The following SPAG11B variants were observed in gnomAD, a reference collection of about 807,000 sequenced individuals.
SPAG11B encodes the protein sperm associated antigen 11B.
Under a neutral mutation model 8.9 loss-of-function variants are expected in SPAG11B, and 5 were observed. The ratio of observed to expected loss-of-function variants is 0.56; its 90% confidence interval spans 0.29 to 1.19. SPAG11B has a LOEUF of 1.19. SPAG11B is among the 50% of genes most tolerant of loss of function. The pLI, the probability that SPAG11B is intolerant of heterozygous loss-of-function variation, is 0.08. For missense variants in SPAG11B, 38 were observed against 146.4 expected (o/e 0.26, Z 3.82); for synonymous variants, 12 against 53.0 (o/e 0.23, Z 3.36).
At chr8:7,453,031 G>A (rs1212516172) in intron 2 of SPAG11B, among the ~76,000 whole-genome samples, 1 of 146,090 alleles carries the variant, frequency 6.8e-6, no homozygotes, top group Admixed American at 6.8e-5. Context: ...GAAGAGCCAG[G>A]ATATTGTCTA....
downstream of SPAG11B, among the ~76,000 whole-genome samples, chr8:7,450,025 G>T (rs1429195777): frequency 8.0e-6 from 1 of 125,114 alleles, no homozygotes; most frequent in African/African-American, 3.3e-5. Flanking sequence ...TGCTCCAATT[G>T]CACAGAAATA....
intron 2 of SPAG11B, among the ~76,000 whole-genome samples, chr8:7,453,013 C>A (rs1160523874): frequency 1.4e-5 from 2 of 146,478 alleles, no homozygotes; most frequent in African/African-American, 2.6e-5. Flanking sequence ...CAAAATTCAC[C>A]TATTTATGAA....
chr8:7,450,306 GA>G (rs1297081084), downstream of SPAG11B, among the ~76,000 whole-genome samples: 3 of 146,698 alleles, frequency 2.0e-5, no homozygotes, highest in Non-Finnish European at 3.0e-5. Flanking sequence ...GGCATAAAGG[GA>G]AAAGGGATAA....
chr8:7,451,035 CT>C, intron 2 of SPAG11B, 135 bp from the exon 3 acceptor site: 2 of 1,507,506 alleles, frequency 1.3e-6, no homozygotes, highest in Non-Finnish European at 1.8e-6. Flanking sequence ...TTTAACCGAA[CT>C]TTGGCCTCTT....
At chr8:7,451,351 C>G in intron 2 of SPAG11B, 1 of 644,584 alleles carries the variant, frequency 1.6e-6, no homozygotes, top group Non-Finnish European at 2.5e-6. Flanking sequence ...AAAATAAAAC[C>G]TCTCTCCTCA....
intron 2 of SPAG11B, among the ~76,000 whole-genome samples, chr8:7,453,321 C>T (rs1810296759): frequency 6.8e-6 from 1 of 147,880 alleles, no homozygotes; most frequent in East Asian, 2.0e-4. Context: ...CCCAGGATCA[C>T]TTAGATTTAT....
intron 2 of SPAG11B, among the ~76,000 whole-genome samples, chr8:7,454,204 G>C (rs1810368277): frequency 8.3e-6 from 1 of 120,212 alleles, no homozygotes; most frequent in South Asian, 2.8e-4. Flanking sequence ...TGACAATTCT[G>C]AATGTATCCT....
In SPAG11B at chr8:7,459,044, C is replaced by T. The variant is rs1810616007; in HGVS notation, c.214+3663G>A. 2.2e-5 allele frequency among the ~76,000 whole-genome samples: 2 copies of T among 92,678 alleles called. 1 individual carries two copies. Among genetic ancestry groups the T allele is most frequent in the South Asian group, 8.0e-4 (2 of 2,494 alleles). The allele number at this position is 92,678 out of a possible 152,430, so 60.8% of individuals were successfully genotyped here. On this transcript the variant is annotated intron_variant, in intron 2 of 2. Transcript: ENST00000398462. ...AGAAACCTCGTCTCTACTAAAAATA[C>T]AAAATTAGCCGGGCATGGTGGTAGA...
downstream of SPAG11B, among the ~76,000 whole-genome samples, chr8:7,449,441 T>C (rs1042239874): frequency 2.0e-5 from 3 of 146,568 alleles, no homozygotes; most frequent in Non-Finnish European, 4.5e-5. Context: ...TTGCTGCGTT[T>C]CACTCTGAGC....
At chr8:7,450,137 G>T (rs1255279990), downstream of SPAG11B, among the ~76,000 whole-genome samples, 2 of 127,284 alleles carry the variant, frequency 1.6e-5, no homozygotes, top group Non-Finnish European at 3.3e-5. Flanking sequence ...TTCACCTGAT[G>T]ATTTTCATTT....
chr8:7,458,651 T>A, intron 2 of SPAG11B, among the ~76,000 whole-genome samples: 2 of 107,284 alleles, frequency 1.9e-5, no homozygotes, highest in South Asian at 3.1e-4. Flanking sequence ...ATCTAATAAC[T>A]GAACTTCAAA....
chr8:7,452,873 G>A (rs1459330914), intron 2 of SPAG11B, among the ~76,000 whole-genome samples: 2 of 131,090 alleles, frequency 1.5e-5, no homozygotes, highest in East Asian at 2.2e-4. Context: ...AAAACACAAT[G>A]TATTTCCACA....
chr8:7,449,729 T>G (rs1446021001), downstream of SPAG11B, among the ~76,000 whole-genome samples: 2 of 145,438 alleles, frequency 1.4e-5, no homozygotes, highest in African/African-American at 5.3e-5. Flanking sequence ...GTGTACATTC[T>G]AGTGGGCTCT....
intron 2 of SPAG11B, among the ~76,000 whole-genome samples, chr8:7,453,309 G>T (rs1810295725): frequency 1.4e-5 from 2 of 147,104 alleles, no homozygotes; most frequent in South Asian, 4.2e-4. Flanking sequence ...TTTGATTTTA[G>T]TCCCAGGATC....
downstream of SPAG11B, chr8:7,447,917 G>A (rs1353686428): frequency 1.9e-5 from 19 of 1,003,806 alleles, 4 homozygotes; most frequent in Non-Finnish European, 2.5e-5. Context: ...TTCGGCTGCA[G>A]AGAGCTGCCT....
chr8:7,450,067 G>A (rs138533144), downstream of SPAG11B, among the ~76,000 whole-genome samples: 581 of 124,520 alleles, frequency 4.7e-3, 63 homozygotes, highest in African/African-American at 0.018. Context: ...AAGAATGAAT[G>A]CTGACTGATA....
chr8:7,447,841 T>G, downstream of SPAG11B: 2 of 461,378 alleles, frequency 4.3e-6, no homozygotes, highest in South Asian at 5.4e-5. Context: ...AGCCAGTCCA[T>G]GGAGCACAGC....
At chr8:7,459,148 G>A (rs1306035029) in intron 2 of SPAG11B, among the ~76,000 whole-genome samples, 1 of 69,478 alleles carries the variant, frequency 1.4e-5, no homozygotes, top group Admixed American at 1.5e-4. Flanking sequence ...AACCCGGGAG[G>A]TGGAGGTGGT....
chr8:7,455,655 A>C (rs1427108700), intron 2 of SPAG11B, among the ~76,000 whole-genome samples: 1 of 150,372 alleles, frequency 6.7e-6, no homozygotes, highest in Non-Finnish European at 1.5e-5. Flanking sequence ...CAACCTGTAC[A>C]TGAGTGTAGT....
Sources: allele counts gnomAD v4.1 joint callset (sites outside exome capture counted in the v4.1 genomes callset), GRCh38; gene constraint gnomAD v4.1.1; transcripts MANE v1.5; gene names NCBI Gene and HGNC (gene_info 2026-07-23, HGNC 2026-07-21).